The following MARCHF1 variants were observed in gnomAD, a reference collection of about 807,000 sequenced individuals.
MARCHF1 encodes E3 ubiquitin-protein ligase MARCHF1.
Under a neutral mutation model 54.2 loss-of-function variants are expected in MARCHF1, and 40 were observed. The ratio of observed to expected loss-of-function variants is 0.74; its 90% CI spans 0.57 to 0.96. The LOEUF (loss-of-function observed/expected upper bound fraction) is 0.96, where lower values mean the gene tolerates loss of function less well. Ranked by LOEUF, MARCHF1 falls within the 40% of genes least tolerant of loss-of-function variation. MARCHF1 has a pLI of 0.00. For missense variants in MARCHF1, 586 were observed against 656.5 expected, an observed-to-expected ratio of 0.89 and a Z score of 1.17; for synonymous variants, 236 against 236.3, an observed-to-expected ratio of 1.00 and a Z score of 0.01.
intron 4 of MARCHF1, among the ~76,000 whole-genome samples, chr4:163,842,488 A>G (rs997372982): frequency 3.3e-5 from 5 of 152,150 alleles, no homozygotes; most frequent in African/African-American, 1.2e-4. Context: ...TCTTTACCTG[A>G]GCATATTTTT....
intron 3 of MARCHF1, among the ~76,000 whole-genome samples, chr4:163,971,692 T>G (rs1353427434): frequency 6.6e-6 from 1 of 152,146 alleles, no homozygotes; most frequent in African/African-American, 2.4e-5. Flanking sequence ...AGTGGTGGAA[T>G]GGACCAAGTA....
At position 163,796,232 on chromosome 4, in the gene MARCHF1, T is replaced by TTTG. The variant is rs1350026842; in HGVS notation, c.111+57788_111+57789insCAA. Reference sequence around the variant, plus strand: ...AAGTGAAACTTCTAGTTTTTTTTTTTTTTTTTTTTTTTGAGACAGAGCCTG... The same window carrying TTTG: ...AAGTGAAACTTCTAGTTTTTTTTTTTTTGTTTTTTTTTTTTGAGACAGAGCCTG... On this transcript the variant is annotated intron_variant, in intron 4 of 9. Transcript: ENST00000514618. Among the ~76,000 whole-genome samples, 4 of 144,282 alleles carry TTTG rather than the reference T, an allele frequency of 2.8e-5. No homozygotes were observed. In the Admixed American group the frequency reaches 2.8e-4, roughly 10 times the overall value. The allele number at this position is 144,282 out of a possible 152,430, so 94.7% of individuals were successfully genotyped here. A position where few individuals can be genotyped will look rare whatever the true frequency, so the allele number is the denominator to read the frequency against.
At chr4:164,232,290 C>T (rs1219931797) in intron 1 of MARCHF1, among the ~76,000 whole-genome samples, 1 of 152,118 alleles carries the variant, frequency 6.6e-6, no homozygotes, top group Admixed American at 6.6e-5. Context: ...CTAGAAAACA[C>T]TGCAAATCCC....
rs1264010828 is a variant in MARCHF1 at position 164,224,626 on chromosome 4, T to C, written c.-322-112964A>G. ...ATGAAAGCATTTTCTATTTGTAACT[T>C]ATAATAGCAAAACCTAAGACATTAC... On this transcript the variant is annotated intron_variant, in intron 1 of 9. Transcript: ENST00000514618. 2.0e-5 allele frequency among the ~76,000 whole-genome samples: 3 copies of C among 151,986 alleles called. No individual in the cohort carries two copies. The East Asian group carries it at 5.8e-4, about 29-fold the overall frequency.
At chr4:164,289,344 T>C (rs770595781) in intron 1 of MARCHF1, among the ~76,000 whole-genome samples, 2 of 152,018 alleles carry the variant, frequency 1.3e-5, no homozygotes, top group Non-Finnish European at 2.9e-5. Flanking sequence ...TGTAGTTTAG[T>C]ATTCCGTGAT....
Position 164,231,239 on chromosome 4 carries a change from T to C in MARCHF1, c.-322-119577A>G, listed in dbSNP as rs140308735. Among the ~76,000 whole-genome samples the C allele has an allele frequency of 2.4e-3, 362 of 152,224 alleles. 3 individuals carry two copies. Among genetic ancestry groups the C allele is most frequent in the African/African-American group, 8.3e-3 (347 of 41,558 alleles). On this transcript the variant is annotated intron_variant, in intron 1 of 9. Transcript: ENST00000514618. ...AATATAATAGTAAAATGTTTTGAGG[T>C]GAAATAAAAGTACATGTCACCCCAT...
At chr4:164,112,927 T>C (rs1168943451) in intron 1 of MARCHF1, among the ~76,000 whole-genome samples, 1 of 149,524 alleles carries the variant, frequency 6.7e-6, no homozygotes, top group South Asian at 2.1e-4. Context: ...TTACAATTTT[T>C]AAATAAATTA....
chr4:164,170,967 T>C (rs1025709087), intron 1 of MARCHF1, among the ~76,000 whole-genome samples: 1 of 152,074 alleles, frequency 6.6e-6, no homozygotes, highest in Non-Finnish European at 1.5e-5. Flanking sequence ...AAAGAAAATC[T>C]GACAAAATTA....
chr4:163,665,891 A>C (rs1743515515), intron 5 of MARCHF1, among the ~76,000 whole-genome samples: 1 of 152,248 alleles, frequency 6.6e-6, no homozygotes, highest in East Asian at 1.9e-4. Context: ...AATCTCTCAG[A>C]GGTTAGAGTT....
intron 1 of MARCHF1, among the ~76,000 whole-genome samples, chr4:164,350,938 T>C (rs867489079): frequency 2.0e-5 from 3 of 151,948 alleles, no homozygotes; most frequent in Admixed American, 2.0e-4. Flanking sequence ...GGGCGAGGCA[T>C]TGCCTCACCT....
chr4:164,031,691 G>T (rs1753881372), intron 2 of MARCHF1, among the ~76,000 whole-genome samples: 1 of 152,104 alleles, frequency 6.6e-6, no homozygotes, highest in African/African-American at 2.4e-5. Flanking sequence ...CAACTTGATT[G>T]TGGTGCATAA....
intron 7 of MARCHF1, among the ~76,000 whole-genome samples, chr4:163,595,835 A>C (rs1740750402): frequency 6.6e-6 from 1 of 152,118 alleles, no homozygotes; most frequent in Non-Finnish European, 1.5e-5. Context: ...TCTGCTGTAC[A>C]ACACTGTGCC....
chr4:163,602,891 G>C (rs962630575), intron 7 of MARCHF1, among the ~76,000 whole-genome samples: 2 of 152,056 alleles, frequency 1.3e-5, no homozygotes, highest in Non-Finnish European at 2.9e-5. Context: ...TGTACATCTA[G>C]GACCAACAGG....
chr4:163,582,643 G>A (rs1048546613), intron 8 of MARCHF1, among the ~76,000 whole-genome samples: 1 of 152,092 alleles, frequency 6.6e-6, no homozygotes, highest in Non-Finnish European at 1.5e-5. Flanking sequence ...TTTCATGTGG[G>A]TTGTTCTTTA....
At chr4:163,639,275 T>G (rs1742469263) in intron 5 of MARCHF1, among the ~76,000 whole-genome samples, 1 of 152,178 alleles carries the variant, frequency 6.6e-6, no homozygotes, top group Non-Finnish European at 1.5e-5. Flanking sequence ...TATCAGGTTG[T>G]AATTTTTATA....
intron 3 of MARCHF1, among the ~76,000 whole-genome samples, chr4:163,856,497 TCTAA>T (rs2111176792): frequency 6.6e-6 from 1 of 152,306 alleles, no homozygotes; most frequent in African/African-American, 2.4e-5. Flanking sequence ...GAGAGAGCAA[TCTAA>T]CTACACAGCT....
intron 3 of MARCHF1, among the ~76,000 whole-genome samples, chr4:163,897,285 A>G (rs1750830802): frequency 6.6e-6 from 1 of 152,134 alleles, no homozygotes; most frequent in African/African-American, 2.4e-5. Flanking sequence ...CAACTTACTG[A>G]ACCCATCATC....
intron 3 of MARCHF1, among the ~76,000 whole-genome samples, chr4:163,875,346 C>T (rs533985986): frequency 3.3e-5 from 5 of 152,124 alleles, no homozygotes; most frequent in South Asian, 4.1e-4. Context: ...AAAAGGTCAT[C>T]GATGTGAAAA....
intron 3 of MARCHF1, among the ~76,000 whole-genome samples, chr4:163,988,237 G>A (rs1752906999): frequency 6.6e-6 from 1 of 152,208 alleles, no homozygotes. Context: ...TGACTCCATA[G>A]ATTGTTTAGA....
Sources: gnomAD v4.1 joint callset for allele counts (sites outside exome capture counted in the v4.1 genomes callset) on GRCh38, gnomAD v4.1.1 for gene constraint, MANE v1.5 for transcripts, NCBI Gene and HGNC (gene_info 2026-07-23, HGNC 2026-07-21) for gene names.